Variants in SLC4A8 observed in about 807,000 individuals in gnomAD.
SLC4A8 encodes the protein electroneutral sodium bicarbonate exchanger 1.
A neutral mutation model predicts 125.0 loss-of-function variants in SLC4A8; 40 were observed. The observed-to-expected ratio is 0.32, with a 90% CI of 0.25 to 0.42. The LOEUF (loss-of-function observed/expected upper bound fraction) is 0.42. Ranked by LOEUF, SLC4A8 falls within the 10% of genes least tolerant of loss-of-function variation. The pLI is 1.00. For synonymous variants in SLC4A8, 456 were observed against 476.0 expected (o/e 0.96, Z 0.55); for missense variants, 863 against 1,355.1 (o/e 0.64, Z 5.70).
chr12:51,423,323 T>C (rs1224135345), upstream of SLC4A8, among the ~76,000 whole-genome samples: 1 of 152,168 alleles, frequency 6.6e-6, no homozygotes, highest in African/African-American at 2.4e-5. Flanking sequence ...GACAGTAGAA[T>C]AAAGAAAGGC....
intron 1 of SLC4A8, among the ~76,000 whole-genome samples, chr12:51,401,295 C>T (rs1948386624): frequency 6.6e-6 from 1 of 152,126 alleles, no homozygotes; most frequent in Non-Finnish European, 1.5e-5. Flanking sequence ...GGGTTCTTGC[C>T]TTGGTGTACC....
At chr12:51,437,618 C>A (rs1277587503) in intron 1 of SLC4A8, among the ~76,000 whole-genome samples, 2 of 152,174 alleles carry the variant, frequency 1.3e-5, no homozygotes, top group Non-Finnish European at 2.9e-5. Flanking sequence ...ATGCTAGCAC[C>A]ACACTTCCTG....
chr12:51,475,341 T>C lies in SLC4A8; in HGVS notation c.2172+135T>C, dbSNP rs563980624. ...ATGTCCTGATGAGCCACACTGGCAT[T>C]CTCTCCTAGTGTCTGGCAGCCTCTT... On this transcript the variant is annotated intron_variant, in intron 16 of 24. Coordinates refer to ENST00000453097, the MANE Select transcript of SLC4A8 (RefSeq NM_001039960.3). 3.8e-6 allele frequency: 3 copies of C among 790,760 alleles called. No homozygotes were observed. In the Admixed American group the frequency reaches 6.7e-5, roughly 18 times the overall value. The allele number at this position is 790,760 out of a possible 1,614,324, so 49.0% of individuals were successfully genotyped here. A position where few individuals can be genotyped will look rare whatever the true frequency, so the allele number is the denominator to read the frequency against.
chr12:51,421,731 C>T (rs1948793423), upstream of SLC4A8, among the ~76,000 whole-genome samples: 1 of 152,178 alleles, frequency 6.6e-6, no homozygotes, highest in East Asian at 1.9e-4. Flanking sequence ...AGGTTTCCCC[C>T]TCTAATCCAT....
At chr12:51,501,824 T>G (rs1937898102) in intron 22 of SLC4A8, 2 of 152,228 alleles carry the variant, frequency 1.3e-5, no homozygotes, top group Non-Finnish European at 2.9e-5. Context: ...GTCTGTTATT[T>G]TTTGACTTTT....
intron 9 of SLC4A8, chr12:51,461,516 A>G: frequency 4.9e-6 from 2 of 408,586 alleles, no homozygotes; most frequent in Non-Finnish European, 8.8e-6. Context: ...AAGAATGCAG[A>G]GAAATCTTTT....
intron 1 of SLC4A8, among the ~76,000 whole-genome samples, chr12:51,409,183 C>A (rs1349857660): frequency 6.6e-6 from 1 of 152,126 alleles, no homozygotes; most frequent in Non-Finnish European, 1.5e-5. Flanking sequence ...CACCACTACA[C>A]CTGGCTAACA....
intron 11 of SLC4A8, among the ~76,000 whole-genome samples, chr12:51,466,961 G>GTGTGTA (rs768185744): frequency 1.5e-4 from 23 of 152,116 alleles, no homozygotes; most frequent in Non-Finnish European, 2.6e-4. Flanking sequence ...GTGTGTGTGT[G>GTGTGTA]TGTGTGTATG....
chr12:51,402,502 A>G (rs1259495356), intron 1 of SLC4A8, among the ~76,000 whole-genome samples: 2 of 152,110 alleles, frequency 1.3e-5, no homozygotes, highest in Non-Finnish European at 2.9e-5. Context: ...TGCGTGGATC[A>G]CCTGAGGTCG....
chr12:51,401,655 T>C (rs1948396490), intron 1 of SLC4A8, among the ~76,000 whole-genome samples: 1 of 152,172 alleles, frequency 6.6e-6, no homozygotes, highest in Non-Finnish European at 1.5e-5. Flanking sequence ...GGGGTTTTTA[T>C]AGGCACAGGA....
At chr12:51,423,422 T>A (rs1316129638), upstream of SLC4A8, among the ~76,000 whole-genome samples, 1 of 152,150 alleles carries the variant, frequency 6.6e-6, no homozygotes, top group Non-Finnish European at 1.5e-5. Context: ...AGGATGTGAA[T>A]TCCAGATTCA....
intron 22 of SLC4A8, among the ~76,000 whole-genome samples, chr12:51,499,345 A>C (rs1937736950): frequency 6.6e-6 from 1 of 151,908 alleles, no homozygotes; most frequent in Non-Finnish European, 1.5e-5. Context: ...GCATGTGTGC[A>C]CCCCCCACAC....
chr12:51,495,470 C>CTTTTTTTTTTTTTTTTTTT (rs3028942), intron 21 of SLC4A8, among the ~76,000 whole-genome samples: 8 of 76,270 alleles, frequency 1.0e-4, no homozygotes, highest in Non-Finnish European at 1.9e-4. Flanking sequence ...TTTCTTTCTT[C>CTTTTTTTTTTTTTTTTTTT]TTTTTTTTTT....
intron 23 of SLC4A8, among the ~76,000 whole-genome samples, chr12:51,505,202 T>C (rs576542136): frequency 7.1e-4 from 108 of 152,286 alleles, no homozygotes; most frequent in Non-Finnish European, 1.1e-3. Context: ...TCTCTTGGCA[T>C]TTTAGAAGGA....
chr12:51,425,897 G>A (rs923488777), intron 1 of SLC4A8, among the ~76,000 whole-genome samples: 1 of 152,216 alleles, frequency 6.6e-6, no homozygotes, highest in African/African-American at 2.4e-5. Flanking sequence ...GTTTGTGAAA[G>A]GGCTTTGTGG....
chr12:51,433,070 C>T (rs1949250465), intron 1 of SLC4A8, among the ~76,000 whole-genome samples: 1 of 152,174 alleles, frequency 6.6e-6, no homozygotes, highest in Admixed American at 6.5e-5. Context: ...TTCCCTGTAG[C>T]CTCTGTGGCT....
chr12:51,458,723 G>C, intron 7 of SLC4A8, 73 bp downstream of exon 7: 3 of 1,071,666 alleles, frequency 2.8e-6, no homozygotes, highest in Non-Finnish European at 4.3e-6. Flanking sequence ...TTAATTGCTG[G>C]AATCTGGGTA....
At position 51,463,685 on chromosome 12, in the gene SLC4A8, C is replaced by G. The variant is rs774245981; in HGVS notation, c.1320C>G (p.His440Gln). 3 of 1,613,770 alleles carry G rather than the reference C, an allele frequency of 1.9e-6. No individual in the cohort carries two copies. The highest frequency in any genetic ancestry group is 1.7e-5 in the Admixed American group (1 of 60,008). ...TAGAACAGGAACCACATGGGGGTCA[C>G]AGTGGGCCAGAACTTCAGCGCACTG... ...CHIEQEPHGG[H>Q]SGPELQRTGR... Residue 440 changes from histidine (H) to glutamine (Q), a missense_variant, in exon 11 of 25, where the codon CAC (histidine) becomes CAG (glutamine). By Grantham distance (24) the His-to-Gln change is conservative (BLOSUM62 0). Transcript: ENST00000453097.
At chr12:51,439,512 T>G (rs1443596216) in intron 1 of SLC4A8, among the ~76,000 whole-genome samples, 1 of 151,574 alleles carries the variant, frequency 6.6e-6, no homozygotes, top group African/African-American at 2.4e-5. Flanking sequence ...TTGATCATCA[T>G]CAAAGGTGGG....
Sources: allele counts gnomAD v4.1 joint callset (sites outside exome capture counted in the v4.1 genomes callset), GRCh38; gene constraint gnomAD v4.1.1; transcripts MANE v1.5; gene names NCBI Gene and HGNC (gene_info 2026-07-23, HGNC 2026-07-21).